The following PCSK6 variants were observed in gnomAD, a reference collection of about 807,000 sequenced individuals.
PCSK6 encodes paired basic amino acid cleaving enzyme 4.
In PCSK6, 85 loss-of-function variants were observed where a neutral mutation model predicts 123.3. The ratio of observed to expected loss-of-function variants is 0.69; its 90% CI spans 0.58 to 0.83. The LOEUF (loss-of-function observed/expected upper bound fraction) is 0.83. Ranked by LOEUF, PCSK6 falls within the 40% of genes least tolerant of loss-of-function variation. The pLI, the probability that PCSK6 is intolerant of heterozygous loss-of-function variation, is 0.00. For synonymous variants in PCSK6, 508 were observed against 516.0 expected, an observed-to-expected ratio of 0.98 and a Z score of 0.21; for missense variants, 1,191 against 1,282.3, an observed-to-expected ratio of 0.93 and a Z score of 1.09.
rs550810681 is a variant in PCSK6 at position 101,419,692 on chromosome 15, C to T, written c.823+8200G>A. Among the ~76,000 whole-genome samples, 5 of 110,118 alleles carry T rather than the reference C, an allele frequency of 4.5e-5. No individual in the cohort carries two copies. In the East Asian group the frequency reaches 8.7e-4, roughly 19 times the overall value. 72.2% of individuals were successfully genotyped at this position (110,118 alleles called of 152,430 possible). A position where few individuals can be genotyped will look rare whatever the true frequency, so the allele number is the denominator to read the frequency against. ...AACAAAAACAAAACCCCAAAACTCTCCTAAACTGACTGTAATAATTCAAAG... is the reference window on the plus strand; with the variant it reads ...AACAAAAACAAAACCCCAAAACTCTTCTAAACTGACTGTAATAATTCAAAG... On this transcript the variant is annotated intron_variant, in intron 6 of 21. Coordinates refer to ENST00000611716, the MANE Select transcript of PCSK6 (RefSeq NM_002570.5).
At chr15:101,450,689 G>A (rs1257632153) in intron 1 of PCSK6, among the ~76,000 whole-genome samples, 1 of 152,148 alleles carries the variant, frequency 6.6e-6, no homozygotes, top group East Asian at 1.9e-4. Context: ...GTCCAGTGAG[G>A]CCCCGCATCC....
chr15:101,318,542 G>GA, intron 18 of PCSK6, 120 bp from the exon 19 acceptor site: 4 of 837,912 alleles, frequency 4.8e-6, no homozygotes, highest in Non-Finnish European at 7.7e-6. Flanking sequence ...TTGTGTCACC[G>GA]AAAGTTCTCA....
intron 15 of PCSK6, 109 bp downstream of exon 15, chr15:101,331,542 G>A (rs2040370453): frequency 2.1e-6 from 2 of 962,324 alleles, no homozygotes; most frequent in South Asian, 2.8e-5. Context: ...GGTGCTCCTA[G>A]AAGTGGCTAA....
chr15:101,337,837 G>A (rs1046230492), intron 13 of PCSK6, among the ~76,000 whole-genome samples: 11 of 152,098 alleles, frequency 7.2e-5, no homozygotes, highest in Non-Finnish European at 1.5e-4. Context: ...TTTTTTTACA[G>A]CAAAATACTT....
intron 2 of PCSK6, among the ~76,000 whole-genome samples, chr15:101,434,418 C>G (rs1046848969): frequency 6.6e-6 from 1 of 152,206 alleles, no homozygotes; most frequent in African/African-American, 2.4e-5. Flanking sequence ...GGGTGACACC[C>G]CACTAATCAG....
chr15:101,401,604 G>GTTCTCCCGTCTCGCT (rs1450504869), intron 6 of PCSK6, among the ~76,000 whole-genome samples: 148 of 152,338 alleles, frequency 9.7e-4, no homozygotes, highest in Non-Finnish European at 1.8e-3. Context: ...ACTGTGACCA[G>GTTCTCCCGTCTCGCT]GTAGTGACTC....
chr15:101,436,854 G>A (rs1018678848), intron 2 of PCSK6, among the ~76,000 whole-genome samples: 1 of 152,182 alleles, frequency 6.6e-6, no homozygotes, highest in African/African-American at 2.4e-5. Context: ...GCTGACTGGT[G>A]AATTTAAAGA....
Position 101,310,054 on chromosome 15 carries a change from G to A in PCSK6, c.2700-2729C>T, listed in dbSNP as rs536577773. Among the ~76,000 whole-genome samples the A allele has an allele frequency of 9.2e-5, 14 of 152,354 alleles. No homozygotes were observed. The East Asian group carries it at 1.2e-3, about 13-fold the overall frequency. The stretch of plus-strand genomic sequence containing the variant: ...TGGCACAGCAGCAGCGGACGGCCAC[G>A]GCGTCCACCAGCATTCTGGGGCCTG... On this transcript the variant is annotated intron_variant, in intron 20 of 21. Transcript: ENST00000611716.
At chr15:101,451,505 T>G (rs1280022913) in intron 1 of PCSK6, among the ~76,000 whole-genome samples, 2 of 151,994 alleles carry the variant, frequency 1.3e-5, no homozygotes, top group Non-Finnish European at 2.9e-5. Context: ...ACAGAATGTC[T>G]CAATTCAAGG....
chr15:101,404,322 T>C lies in PCSK6; in HGVS notation c.824-5746A>G, dbSNP rs561053370. ...ACCTCTAGGCCCAGCTCACATGGGC[T>C]GTGGCATCAGCTCACTGTATTTTGT... On this transcript the variant is annotated intron_variant, in intron 6 of 21. Transcript: ENST00000611716. Among the ~76,000 whole-genome samples, 3 of 152,328 alleles carry C rather than the reference T, an allele frequency of 2.0e-5. No homozygotes were observed. The South Asian group carries it at 6.2e-4, about 32-fold the overall frequency.
chr15:101,472,831 G>GA, intron 1 of PCSK6, among the ~76,000 whole-genome samples: 1 of 152,196 alleles, frequency 6.6e-6, no homozygotes, highest in East Asian at 1.9e-4. Context: ...TTTGACAGAA[G>GA]AAAATAGAAA....
chr15:101,435,581 T>G (rs2141130590), intron 2 of PCSK6, among the ~76,000 whole-genome samples: 1 of 152,366 alleles, frequency 6.6e-6, no homozygotes, highest in East Asian at 1.9e-4. Flanking sequence ...AAATGTATGT[T>G]TCCTGCTAAA....
Position 101,467,323 on chromosome 15 carries a change from A to G in PCSK6, c.297+22051T>C, listed in dbSNP as rs567144027. Among the ~76,000 whole-genome samples, 14 of 150,878 alleles carry G rather than the reference A, an allele frequency of 9.3e-5. No homozygotes were observed. In the East Asian group the frequency reaches 2.5e-3, roughly 27 times the overall value. ...AGTCTCGCTCTGTCGCCCAGGCTGG[A>G]GTGCAATGGCACGATCACGGCTCAC... On this transcript the variant is annotated intron_variant, in intron 1 of 21. Coordinates refer to ENST00000611716, the MANE Select transcript of PCSK6 (RefSeq NM_002570.5).
In PCSK6 at chr15:101,392,537, G is replaced by A. The variant is rs111851206; in HGVS notation, c.1209+675C>T. Among the ~76,000 whole-genome samples the A allele has an allele frequency of 3.6e-3, 537 of 148,222 alleles. 5 individuals are homozygous for A. The highest frequency in any genetic ancestry group is 0.012 in the African/African-American group (481 of 39,928). Reference sequence around the variant, plus strand: ...ATTTTTAAAATGTCTACAAGTCAACGTAATGACTTTGCACTTCAATTCTGC... The same window carrying A: ...ATTTTTAAAATGTCTACAAGTCAACATAATGACTTTGCACTTCAATTCTGC... On this transcript the variant is annotated intron_variant, in intron 8 of 21. Coordinates refer to ENST00000611716, the MANE Select transcript of PCSK6 (RefSeq NM_002570.5).
intron 18 of PCSK6, among the ~76,000 whole-genome samples, chr15:101,318,895 T>C (rs2040054314): frequency 6.6e-6 from 1 of 152,188 alleles, no homozygotes. Flanking sequence ...CCTTGGAACC[T>C]TCTGCAGCTT....
At chr15:101,314,572 G>C (rs3784517) in intron 19 of PCSK6, among the ~76,000 whole-genome samples, 1 of 152,108 alleles carries the variant, frequency 6.6e-6, no homozygotes, top group East Asian at 1.9e-4. Flanking sequence ...CTTTGCAGAG[G>C]TTCCGGAGCC....
chr15:101,404,103 C>A (rs1184864454), intron 6 of PCSK6, among the ~76,000 whole-genome samples: 1 of 152,214 alleles, frequency 6.6e-6, no homozygotes, highest in Admixed American at 6.5e-5. Context: ...AATCTTCTCC[C>A]AGTGTATGCC....
chr15:101,394,788 G>C (rs1031904734), intron 7 of PCSK6, among the ~76,000 whole-genome samples: 4 of 152,186 alleles, frequency 2.6e-5, no homozygotes, highest in Non-Finnish European at 5.9e-5. Flanking sequence ...AAACCAAGGA[G>C]ACTCCAGCTC....
intron 13 of PCSK6, among the ~76,000 whole-genome samples, chr15:101,364,414 C>T (rs2041329444): frequency 6.6e-6 from 1 of 152,100 alleles, no homozygotes; most frequent in Admixed American, 6.5e-5. Flanking sequence ...GTTGTAACCC[C>T]ATTACCTAGA....
Sources: gnomAD v4.1 joint callset for allele counts (sites outside exome capture counted in the v4.1 genomes callset) on GRCh38, gnomAD v4.1.1 for gene constraint, MANE v1.5 for transcripts, NCBI Gene and HGNC (gene_info 2026-07-23, HGNC 2026-07-21) for gene names.